Variants in ALCAM observed in about 807,000 individuals in gnomAD.
ALCAM encodes the protein activated leukocyte cell adhesion molecule.
ALCAM carries 30 observed loss-of-function variants against 70.9 expected under a neutral mutation model. That is an observed-to-expected ratio of 0.42 (90% CI 0.32 to 0.57). ALCAM has a LOEUF of 0.57. Among genes scored for constraint, ALCAM ranks in the 20% least tolerant of loss-of-function variants. The pLI is 0.11. For missense variants in ALCAM, 591 were observed against 695.1 expected, an observed-to-expected ratio of 0.85 and a Z score of 1.68; for synonymous variants, 249 against 242.5, an observed-to-expected ratio of 1.03 and a Z score of -0.25.
At chr3:105,563,667 C>CTTTTTTTTTTTTTTTTT (rs749625480) in intron 14 of ALCAM, among the ~76,000 whole-genome samples, 18 of 52,046 alleles carry the variant, frequency 3.5e-4, no homozygotes, top group African/African-American at 5.1e-4. Context: ...CCAAGCATTT[C>CTTTTTTTTTTTTTTTTT]TTTTTTTTTT....
chr3:105,524,487 C>T lies in ALCAM; in HGVS notation c.373C>T (p.Pro125Ser), dbSNP rs751744021. The T allele has an allele frequency of 6.2e-7, 1 of 1,614,032 alleles. No individual in the cohort carries two copies. The highest frequency in any genetic ancestry group is 8.5e-7 in the Non-Finnish European group (1 of 1,179,958). The change falls in exon 3 of 16, where the codon CCT (proline) becomes TCT (serine). Residue 125 changes from proline (P) to serine (S), a missense_variant. Physicochemically the swap from Pro to Ser is moderately conservative, Grantham distance 74. Transcript: ENST00000306107. ...LVTEDNVFEA[P>S]TIVKVFKQPS... ...AACTGAGGACAACGTGTTTGAGGCACCTACAATAGTCAAGGTGTTCAGTAA... is the reference window on the plus strand; with the variant it reads ...AACTGAGGACAACGTGTTTGAGGCATCTACAATAGTCAAGGTGTTCAGTAA...
chr3:105,458,799 C>T (rs940645672), intron 1 of ALCAM, among the ~76,000 whole-genome samples: 1 of 152,120 alleles, frequency 6.6e-6, no homozygotes, highest in Non-Finnish European at 1.5e-5. Flanking sequence ...TAGCTCTGCT[C>T]CTGTTTTTTA....
intron 1 of ALCAM, among the ~76,000 whole-genome samples, chr3:105,425,430 C>A (rs1302887650): frequency 6.6e-6 from 1 of 151,746 alleles, no homozygotes; most frequent in African/African-American, 2.4e-5. Context: ...TTGGAGATGT[C>A]TTATGCTTTT....
At position 105,454,653 on chromosome 3, in the gene ALCAM, A is replaced by ATTTTTTTTTTTTTT. The variant is rs59389132; in HGVS notation, c.74-65393_74-65380dup. On this transcript the variant is annotated intron_variant, in intron 1 of 15. Transcript: ENST00000306107. Reference sequence around the variant, plus strand: ...ATTGGCACATAGTAGATGCTCATTAATTTTTTTTTTTTTTTTTTTTTTTTT... The same window carrying ATTTTTTTTTTTTTT: ...ATTGGCACATAGTAGATGCTCATTAATTTTTTTTTTTTTTTTTTTTTTTTTTTTTTTTTTTTTTT... 4.7e-4 allele frequency among the ~76,000 whole-genome samples: 29 copies of ATTTTTTTTTTTTTT among 61,796 alleles called. 2 individuals are homozygous for ATTTTTTTTTTTTTT. Among genetic ancestry groups the ATTTTTTTTTTTTTT allele is most frequent in the Non-Finnish European group, 5.7e-4 (21 of 36,564 alleles). 40.5% of individuals were successfully genotyped at this position (61,796 alleles called of 152,430 possible).
At chr3:105,542,111 A>T (rs1210866950) in intron 8 of ALCAM, among the ~76,000 whole-genome samples, 1 of 151,870 alleles carries the variant, frequency 6.6e-6, no homozygotes, top group Non-Finnish European at 1.5e-5. Context: ...GAAGTGCACC[A>T]GCTTTGCAGT....
Position 105,545,312 on chromosome 3 carries a change from A to G in ALCAM, c.1081A>G (p.Asn361Asp), listed in dbSNP as rs1276648550. 6.2e-7 allele frequency: 1 copy of G among 1,607,920 alleles called. No homozygotes were observed. The highest frequency in any genetic ancestry group is 1.3e-5 in the African/African-American group (1 of 74,554). The change falls in exon 9 of 16, where the codon AAT (asparagine) becomes GAT (aspartate). Residue 361 changes from asparagine to aspartate, a missense_variant. Asn to Asp is a conservative substitution (Grantham distance 23). This residue lies in a region of ALCAM where 427 missense variants were observed against 450.4 expected (regional missense o/e 0.95). Transcript: ENST00000306107. Reference protein sequence around the residue: ...PVSCTISASRNATVVWMKDNI... With the variant: ...PVSCTISASRDATVVWMKDNI... ...GTCATGCACAATATCTGCTAGCAGG[A>G]ATGCAACTGTGGTATGGATGAAAGT...
intron 2 of ALCAM, among the ~76,000 whole-genome samples, chr3:105,523,086 G>T (rs1939588843): frequency 7.2e-6 from 1 of 139,420 alleles, no homozygotes; most frequent in African/African-American, 2.7e-5. Flanking sequence ...CTTGCAGTGA[G>T]CCGAAGTTGT....
Position 105,423,810 on chromosome 3 carries a change from C to T in ALCAM, c.73+56329C>T, listed in dbSNP as rs76467653. On this transcript the variant is annotated intron_variant, in intron 1 of 15. Coordinates refer to ENST00000306107, the MANE Select transcript of ALCAM (RefSeq NM_001627.4). ...TTGAGCTTGTAGTTGAAAGTTCACACACATTTTACAGAAGAGAAACACAGC... is the reference window on the plus strand; with the variant it reads ...TTGAGCTTGTAGTTGAAAGTTCACATACATTTTACAGAAGAGAAACACAGC... Among the ~76,000 whole-genome samples, 1,364 of 151,694 alleles carry T rather than the reference C, an allele frequency of 9.0e-3. 16 individuals carry two copies. The highest frequency in any genetic ancestry group is 0.015 in the African/African-American group (621 of 41,496).
At chr3:105,445,479 A>T (rs1012658884) in intron 1 of ALCAM, among the ~76,000 whole-genome samples, 1 of 152,052 alleles carries the variant, frequency 6.6e-6, no homozygotes, top group Non-Finnish European at 1.5e-5. Flanking sequence ...AGAAAAAAAT[A>T]CTCTAAAATT....
At chr3:105,484,307 T>C (rs996774636) in intron 1 of ALCAM, among the ~76,000 whole-genome samples, 2 of 149,806 alleles carry the variant, frequency 1.3e-5, no homozygotes, top group African/African-American at 4.9e-5. Flanking sequence ...TATATATATA[T>C]ATTTATTTAT....
In ALCAM at chr3:105,472,567, G is replaced by C. The variant is rs999402278; in HGVS notation, c.74-47500G>C. ...TTCCTCTTATTCTGTCTAGAACAAA[G>C]AAAAACAATGTGACAATATACCTGT... is the stretch of plus-strand genomic sequence containing the variant. On this transcript the variant is annotated intron_variant, in intron 1 of 15. Transcript: ENST00000306107. Among the ~76,000 whole-genome samples the C allele has an allele frequency of 4.6e-5, 7 of 151,430 alleles. 1 individual carries two copies. In the South Asian group the frequency reaches 1.2e-3, roughly 27 times the overall value.
At chr3:105,409,629 A>G (rs1385771015) in intron 1 of ALCAM, among the ~76,000 whole-genome samples, 1 of 152,054 alleles carries the variant, frequency 6.6e-6, no homozygotes, top group African/African-American at 2.4e-5. Flanking sequence ...TGATGGGCAC[A>G]GCAAACTCTC....
chr3:105,423,482 C>T (rs79415821), intron 1 of ALCAM, among the ~76,000 whole-genome samples: 8 of 139,812 alleles, frequency 5.7e-5, no homozygotes, highest in Non-Finnish European at 1.3e-4. Context: ...TTTTTTTTAA[C>T]ATCTGTTCTT....
chr3:105,471,994 A>G (rs1200048816), intron 1 of ALCAM, among the ~76,000 whole-genome samples: 3 of 151,370 alleles, frequency 2.0e-5, no homozygotes, highest in South Asian at 2.1e-4. Flanking sequence ...TCTACCGTCT[A>G]TTTCTGTAAG....
At chr3:105,387,231 C>G (rs1410209623) in intron 1 of ALCAM, among the ~76,000 whole-genome samples, 1 of 151,142 alleles carries the variant, frequency 6.6e-6, no homozygotes, top group Non-Finnish European at 1.5e-5. Flanking sequence ...ATCCTTCCCA[C>G]CCTCACACAC....
intron 1 of ALCAM, among the ~76,000 whole-genome samples, chr3:105,483,718 G>A (rs1938341169): frequency 1.3e-5 from 2 of 152,058 alleles, no homozygotes; most frequent in African/African-American, 4.8e-5. Flanking sequence ...TGCAGTCAGA[G>A]AAAGAGAAGG....
At chr3:105,378,485 T>G (rs537162246) in intron 1 of ALCAM, among the ~76,000 whole-genome samples, 1 of 152,050 alleles carries the variant, frequency 6.6e-6, no homozygotes, top group Non-Finnish European at 1.5e-5. Context: ...TTTATATTTT[T>G]GCAGAGATGG....
chr3:105,483,995 T>C (rs1334634061), intron 1 of ALCAM, among the ~76,000 whole-genome samples: 1 of 152,104 alleles, frequency 6.6e-6, no homozygotes, highest in Non-Finnish European at 1.5e-5. Context: ...TCTCATGTTT[T>C]TTCTTTATTT....
intron 14 of ALCAM, among the ~76,000 whole-genome samples, chr3:105,553,375 G>A (rs1435889969): frequency 6.6e-6 from 1 of 151,770 alleles, no homozygotes; most frequent in Non-Finnish European, 1.5e-5. Context: ...AAGTTTCACT[G>A]GTGATTCTGC....
Sources: allele counts gnomAD v4.1 joint callset (sites outside exome capture counted in the v4.1 genomes callset), GRCh38; gene constraint gnomAD v4.1.1; regional missense constraint gnomAD v4.1.1; transcripts MANE v1.5; gene names NCBI Gene and HGNC (gene_info 2026-07-23, HGNC 2026-07-21).